The following PITPNM3 variants were observed in gnomAD, a reference collection of about 807,000 sequenced individuals.
PITPNM3 encodes the protein membrane-associated phosphatidylinositol transfer protein 3.
Under a neutral mutation model 102.0 loss-of-function variants are expected in PITPNM3, and 26 were observed. The ratio of observed to expected loss-of-function variants is 0.25; its 90% CI spans 0.19 to 0.35. The LOEUF is 0.35. Ranked by LOEUF, PITPNM3 falls within the 10% of genes least tolerant of loss-of-function variation. The pLI, the probability that PITPNM3 is intolerant of heterozygous loss-of-function variation, is 1.00. For missense variants in PITPNM3, 1,083 were observed against 1,346.1 expected, an observed-to-expected ratio of 0.80 and a Z score of 3.06; for synonymous variants, 578 against 558.6, an observed-to-expected ratio of 1.03 and a Z score of -0.49.
rs564638906 is a variant in PITPNM3 at position 6,538,758 on chromosome 17, A to G, written c.23-676T>C. ...AATCCTGGCAGAGACTGTCCTTTGA[A>G]ACTCTTCTACTCTGACTGATATTGG... On this transcript the variant is annotated intron_variant, in intron 1 of 19. Coordinates refer to ENST00000262483, the MANE Select transcript of PITPNM3 (RefSeq NM_031220.4). Among the ~76,000 whole-genome samples, 3 of 152,240 alleles carry G rather than the reference A, an allele frequency of 2.0e-5. No individual in the cohort carries two copies. In the South Asian group the frequency reaches 6.2e-4, roughly 32 times the overall value.
At position 6,469,315 on chromosome 17, in the gene PITPNM3, T is replaced by C. The variant is rs1177859211; in HGVS notation, c.1773+945A>G. The stretch of plus-strand genomic sequence containing the variant: ...GCTCACACTTCACACACCCAGACAG[T>C]CGTGGATGTGCCACGTGGGGCACAG... On this transcript the variant is annotated intron_variant, in intron 13 of 19. Transcript: ENST00000262483. This position sits in a 1 kb window ranked among gnomAD's most constrained non-coding sequence, Gnocchi z 4.0. Among the ~76,000 whole-genome samples, 1 of 152,062 alleles carries C rather than the reference T, an allele frequency of 6.6e-6. No homozygotes were observed. The highest frequency in any genetic ancestry group is 1.5e-5 in the Non-Finnish European group (1 of 67,990).
chr17:6,552,027 G>T lies in PITPNM3; in HGVS notation c.22+4358C>A, dbSNP rs528696134. On this transcript the variant is annotated intron_variant, in intron 1 of 19. Transcript: ENST00000262483. Reference sequence around the variant, plus strand: ...GGGCCCTCAGCGACCCATTGTTAACGAGGACTTGGAACATGAGTATCGAAA... The same window carrying T: ...GGGCCCTCAGCGACCCATTGTTAACTAGGACTTGGAACATGAGTATCGAAA... Among the ~76,000 whole-genome samples the T allele has an allele frequency of 3.9e-5, 6 of 152,280 alleles. No individual in the cohort carries two copies. The East Asian group carries it at 1.2e-3, about 29-fold the overall frequency.
At chr17:6,520,088 A>G (rs1020975537) in intron 3 of PITPNM3, among the ~76,000 whole-genome samples, 1 of 152,212 alleles carries the variant, frequency 6.6e-6, no homozygotes, top group Admixed American at 6.5e-5. Flanking sequence ...AGAAAATATG[A>G]TCAGTCAACA....
intron 9 of PITPNM3, among the ~76,000 whole-genome samples, chr17:6,475,273 C>A (rs1259032270): frequency 6.6e-6 from 1 of 152,138 alleles, no homozygotes; most frequent in African/African-American, 2.4e-5. Context: ...AGAATTCCAA[C>A]CATTTCCAAC....
chr17:6,524,875 T>C (rs936970488), intron 3 of PITPNM3, among the ~76,000 whole-genome samples: 1 of 152,162 alleles, frequency 6.6e-6, no homozygotes, highest in East Asian at 1.9e-4. Flanking sequence ...CTCTTCTCCA[T>C]AGAAAGCCTC....
At position 6,470,238 on chromosome 17, in the gene PITPNM3, C is replaced by G. The variant is rs1043897409; in HGVS notation, c.1773+22G>C. ...CCCCCTTGGGGTGGCTGTGGGCAGG[C>G]CCGCGACTGCGGCAGCAGTACCTGT... is the stretch of plus-strand genomic sequence containing the variant. On this transcript the variant is annotated intron_variant, in intron 13 of 19. Transcript: ENST00000262483. The surrounding 1 kb of genome is among the most constrained non-coding windows in gnomAD (Gnocchi z 4.8). 2 of 1,581,962 alleles carry G rather than the reference C, an allele frequency of 1.3e-6. No homozygotes were observed. Among genetic ancestry groups the G allele is most frequent in the East Asian group, 4.6e-5 (2 of 43,564 alleles).
chr17:6,476,159 G>GT (rs66535369), intron 9 of PITPNM3, among the ~76,000 whole-genome samples: 75,371 of 151,808 alleles, frequency 0.5, 20,425 homozygotes, highest in Middle Eastern at 0.63. Context: ...AATATAAAGG[G>GT]TTTTTTTAAA....
rs1235806829 is a variant in PITPNM3 at position 6,457,077 on chromosome 17, C to CT, written c.2619+516_2619+517insA. On this transcript the variant is annotated intron_variant, in intron 19 of 19. Coordinates refer to ENST00000262483, the MANE Select transcript of PITPNM3 (RefSeq NM_031220.4). The surrounding 1 kb of genome is among the most constrained non-coding windows in gnomAD (Gnocchi z 4.7). ...GCACTGACCGTTCTAGCCCCGCCCC[C>CT]CCACCTCCCAGCTCACGTCCCATGC... 1.3e-5 allele frequency among the ~76,000 whole-genome samples: 2 copies of CT among 152,126 alleles called. No homozygotes were observed. The highest frequency in any genetic ancestry group is 1.5e-5 in the Non-Finnish European group (1 of 68,014).
intron 4 of PITPNM3, among the ~76,000 whole-genome samples, chr17:6,498,097 G>C (rs1401196974): frequency 6.6e-6 from 1 of 152,198 alleles, no homozygotes; most frequent in Non-Finnish European, 1.5e-5. Flanking sequence ...CTTCTATGGT[G>C]GTGGCATATT....
chr17:6,470,535 A>T lies in PITPNM3; in HGVS notation c.1625-127T>A. ...GTGGGGCACGGGTTTGGGCGGGAGC[A>T]CCCTGGCCTGGAGGAGGCCTGGGGA... On this transcript the variant is annotated intron_variant, in intron 12 of 19. Coordinates refer to ENST00000262483, the MANE Select transcript of PITPNM3 (RefSeq NM_031220.4). This position sits in a 1 kb window ranked among gnomAD's most constrained non-coding sequence, Gnocchi z 4.8. 7.7e-7 allele frequency: 1 copy of T among 1,292,584 alleles called. No individual in the cohort carries two copies. The highest frequency in any genetic ancestry group is 1.1e-6 in the Non-Finnish European group (1 of 907,800). The allele number at this position is 1,292,584 out of a possible 1,614,324, so 80.1% of individuals were successfully genotyped here.
intron 1 of PITPNM3, among the ~76,000 whole-genome samples, chr17:6,542,518 G>A (rs982163837): frequency 2.6e-5 from 4 of 152,294 alleles, no homozygotes; most frequent in Non-Finnish European, 2.9e-5. Flanking sequence ...GTTAGAACAC[G>A]GGCTTTGGAA....
intron 10 of PITPNM3, chr17:6,473,279 A>G (rs960982371): frequency 4.0e-6 from 1 of 250,322 alleles, no homozygotes; most frequent in African/African-American, 2.3e-5. Context: ...GCCTGCTGCT[A>G]GAGTTCCAGG....
intron 16 of PITPNM3, 34 bp downstream of exon 16, chr17:6,464,136 A>G (rs1904641180): frequency 3.1e-6 from 5 of 1,613,960 alleles, no homozygotes; most frequent in Non-Finnish European, 4.2e-6. Flanking sequence ...TAGAAATGAG[A>G]GAAACCACCC....
rs538577562 is a variant in PITPNM3, at chr17:6,508,406, T to G, written c.227-4832A>C. 9.3e-4 allele frequency among the ~76,000 whole-genome samples: 142 copies of G among 152,248 alleles called. No individual in the cohort carries two copies. In the South Asian group the frequency reaches 0.013, roughly 14 times the overall value. On this transcript the variant is annotated intron_variant, in intron 3 of 19. Coordinates refer to ENST00000262483, the MANE Select transcript of PITPNM3 (RefSeq NM_031220.4). ...GCGAGGTAAAGTCACTTCCCCAACGTTGAGATCTGGTCCCTTGGACACCCC... is the reference window on the plus strand; with the variant it reads ...GCGAGGTAAAGTCACTTCCCCAACGGTGAGATCTGGTCCCTTGGACACCCC...
chr17:6,555,894 C>G (rs1400000968), intron 1 of PITPNM3, among the ~76,000 whole-genome samples: 1 of 151,904 alleles, frequency 6.6e-6, no homozygotes, highest in Non-Finnish European at 1.5e-5. Flanking sequence ...TCCCCTCCTT[C>G]CCGAGAAGGA....
intron 9 of PITPNM3, among the ~76,000 whole-genome samples, chr17:6,474,866 G>A (rs74731163): frequency 0.031 from 4,738 of 152,316 alleles, 162 homozygotes; most frequent in East Asian, 0.16. Flanking sequence ...GACATGGACC[G>A]TGTGGTCTCC....
intron 1 of PITPNM3, among the ~76,000 whole-genome samples, chr17:6,551,545 G>A (rs142682517): frequency 7.1e-4 from 108 of 152,026 alleles, no homozygotes; most frequent in African/African-American, 2.4e-3. Context: ...TCAGAGTCAT[G>A]CCTCAAATCC....
chr17:6,543,192 C>T (rs1466875842), intron 1 of PITPNM3, among the ~76,000 whole-genome samples: 1 of 152,234 alleles, frequency 6.6e-6, no homozygotes, highest in Non-Finnish European at 1.5e-5. Flanking sequence ...TCCCCACTCC[C>T]TCTCCTGGCC....
chr17:6,548,007 C>T lies in PITPNM3; in HGVS notation c.22+8378G>A, dbSNP rs192344030. Among the ~76,000 whole-genome samples, 3 of 152,170 alleles carry T rather than the reference C, an allele frequency of 2.0e-5. No individual in the cohort carries two copies. The East Asian group carries it at 5.8e-4, about 29-fold the overall frequency. On this transcript the variant is annotated intron_variant, in intron 1 of 19. Transcript: ENST00000262483. ...CCTCCCAAAGTGCTGGGATTACAGG[C>T]GTGAGCCACCACGCCTGGCTGGGGT...
Sources: allele counts gnomAD v4.1 joint callset (sites outside exome capture counted in the v4.1 genomes callset), GRCh38; gene constraint gnomAD v4.1.1; non-coding constraint Gnocchi (gnomAD v3.1); transcripts MANE v1.5; gene names NCBI Gene and HGNC (gene_info 2026-07-23, HGNC 2026-07-21).